LACC1: variants seen among roughly 807,000 people sequenced by gnomAD.
The protein encoded by LACC1 is laccase domain multifunctional purine nucleosidase 1.
A neutral mutation model predicts 34.8 loss-of-function variants in LACC1; 25 were observed. That is an observed-to-expected ratio of 0.72 (90% CI 0.52 to 1.00). The LOEUF (loss-of-function observed/expected upper bound fraction) is 1.00, where lower values mean the gene tolerates loss of function less well. Ranked by LOEUF, LACC1 falls within the 50% of genes least tolerant of loss-of-function variation. The pLI, the probability that LACC1 is intolerant of heterozygous loss-of-function variation, is 0.00. For synonymous variants in LACC1, 162 were observed against 168.0 expected (o/e 0.96, Z 0.28); for missense variants, 426 against 511.2 (o/e 0.83, Z 1.61).
chr13:43,880,418 A>C (rs993211536), intron 1 of LACC1, among the ~76,000 whole-genome samples: 3 of 152,188 alleles, frequency 2.0e-5, no homozygotes, highest in African/African-American at 7.2e-5. Context: ...CATCCAAATC[A>C]CTATAGCTTT....
At position 43,891,983 on chromosome 13, in the gene LACC1, C is replaced by G. The variant is rs189496664; in HGVS notation, c.*536C>G. On this transcript the variant is annotated 3_prime_UTR_variant, in exon 7 of 7. Coordinates refer to ENST00000325686, the MANE Select transcript of LACC1 (RefSeq NM_153218.4). ...GCTCGAAAGATGTAGAGGTTTTTGA[C>G]AAATGAAGAACAACCATAACAGGTA... is the stretch of plus-strand genomic sequence containing the variant. 1 of 151,896 alleles carries G rather than the reference C, an allele frequency of 6.6e-6. No homozygotes were observed. The highest frequency in any genetic ancestry group is 6.6e-5 in the Admixed American group (1 of 15,252). 9.4% of individuals were successfully genotyped at this position (151,896 alleles called of 1,614,324 possible). A position where few individuals can be genotyped will look rare whatever the true frequency, so the allele number is the denominator to read the frequency against.
In LACC1 at chr13:43,881,162, T is replaced by C; in HGVS notation, c.177T>C (p.Asp59=). The C allele has an allele frequency of 1.9e-6, 3 of 1,614,200 alleles. No individual in the cohort carries two copies. Among genetic ancestry groups the C allele is most frequent in the Non-Finnish European group, 2.5e-6 (3 of 1,180,022 alleles). ...NISYERDGEQ[D]NCEIETSNGL... is the part of the protein sequence containing the mutation. ...GCTATGAAAGGGATGGAGAACAAGATAATTGTGAAATAGAAACAAGCAATG... is the reference window on the plus strand; with the variant it reads ...GCTATGAAAGGGATGGAGAACAAGACAATTGTGAAATAGAAACAAGCAATG... Residue 59 remains aspartate (D), a synonymous_variant, in exon 2 of 7, where the codon GAT becomes GAC. Coordinates refer to ENST00000325686, the MANE Select transcript of LACC1 (RefSeq NM_153218.4).
At chr13:43,882,077 A>G in intron 2 of LACC1, 108 bp from the exon 3 acceptor site, 2 of 791,572 alleles carry the variant, frequency 2.5e-6, no homozygotes, top group Non-Finnish European at 2.0e-6. Context: ...TGCCATAGAA[A>G]TTAGAAGCCA....
At chr13:43,886,272 A>G (rs555035286) in intron 4 of LACC1, among the ~76,000 whole-genome samples, 2 of 152,294 alleles carry the variant, frequency 1.3e-5, no homozygotes, top group South Asian at 4.1e-4. Context: ...ACCCAAAGGA[A>G]TATAAATTAT....
In LACC1 at chr13:43,883,821, T is replaced by C. The variant is rs1453772657; in HGVS notation, c.792T>C (p.Ser264=). ...TTATGGGAAGAAAGGAGCCTGACTC[T>C]TATGATGGAATAACCACAAATCAGA... ...IWIMGRKEPD[S]YDGITTNQRG... is the part of the protein sequence containing the mutation. Residue 264 remains serine, a synonymous_variant, in exon 4 of 7, where the codon TCT becomes TCC. Transcript: ENST00000325686. 3.7e-6 allele frequency: 6 copies of C among 1,613,792 alleles called. No homozygotes were observed. Among genetic ancestry groups the C allele is most frequent in the Non-Finnish European group, 5.1e-6 (6 of 1,179,714 alleles).
Position 43,892,537 on chromosome 13 carries a change from G to T in LACC1, c.*1090G>T, listed in dbSNP as rs1382475482. 6.6e-6 allele frequency: 1 copy of T among 151,976 alleles called. No homozygotes were observed. The highest frequency in any genetic ancestry group is 1.5e-5 in the Non-Finnish European group (1 of 67,966). The allele number at this position is 151,976 out of a possible 1,614,324, so 9.4% of individuals were successfully genotyped here. On this transcript the variant is annotated 3_prime_UTR_variant, in exon 7 of 7. Transcript: ENST00000325686. ...GTTTGGAAAAAGAGAGAAGGATAAT[G>T]AGTTTGACTTTACATAGAATGAAGG...
At chr13:43,885,491 T>G (rs1052026985) in intron 4 of LACC1, among the ~76,000 whole-genome samples, 4 of 151,862 alleles carry the variant, frequency 2.6e-5, no homozygotes, top group African/African-American at 9.7e-5. Context: ...AAGTCGACAA[T>G]AACAAGCAAT....
At chr13:43,885,461 C>G (rs1955271607) in intron 4 of LACC1, among the ~76,000 whole-genome samples, 1 of 152,120 alleles carries the variant, frequency 6.6e-6, no homozygotes, top group Admixed American at 6.5e-5. Flanking sequence ...CACACACCTA[C>G]AACCATCTGA....
Position 43,881,029 on chromosome 13 carries a change from A to T in LACC1, c.44A>T (p.Asn15Ile). The T allele has an allele frequency of 6.2e-7, 1 of 1,614,040 alleles. No individual in the cohort carries two copies. The highest frequency in any genetic ancestry group is 1.3e-5 in the African/African-American group (1 of 75,036). ...ATTGATCTTTTTGGTTTGAAATTGA[A>T]CTCTCAAAAAAACTGCCATCAGACA... is the stretch of plus-strand genomic sequence containing the variant. ...VLIDLFGLKLNSQKNCHQTLL... is the reference protein window; with the variant it reads ...VLIDLFGLKLISQKNCHQTLL... Residue 15 changes from asparagine (N) to isoleucine (I), a missense_variant, in exon 2 of 7, where the codon AAC becomes ATC. Transcript: ENST00000325686.
intron 4 of LACC1, among the ~76,000 whole-genome samples, chr13:43,884,579 A>G (rs1413512157): frequency 6.6e-6 from 1 of 152,176 alleles, no homozygotes; most frequent in Non-Finnish European, 1.5e-5. Context: ...ATTCTCTGAG[A>G]GCAAAGAAGT....
chr13:43,884,701 A>G (rs1281872919), intron 4 of LACC1, among the ~76,000 whole-genome samples: 1 of 152,124 alleles, frequency 6.6e-6, no homozygotes, highest in Non-Finnish European at 1.5e-5. Flanking sequence ...ATGAGGGATG[A>G]TCTTTAAAAT....
chr13:43,889,808 CTT>C (rs2138363839), intron 5 of LACC1, among the ~76,000 whole-genome samples: 1 of 152,300 alleles, frequency 6.6e-6, no homozygotes, highest in African/African-American at 2.4e-5. Flanking sequence ...ATCCTGGTAA[CTT>C]TTGTAGACAT....
chr13:43,889,973 T>A (rs1955498612), intron 5 of LACC1, 141 bp from the exon 6 acceptor site: 1 of 661,458 alleles, frequency 1.5e-6, no homozygotes, highest in Admixed American at 3.2e-5. Flanking sequence ...GTCCATGTTC[T>A]GTAAGTGAAT....
rs142352866 is a variant in LACC1 at position 43,891,961 on chromosome 13, C to G, written c.*514C>G. The G allele has an allele frequency of 1.3e-5, 2 of 151,900 alleles. No individual in the cohort carries two copies. The highest frequency in any genetic ancestry group is 2.9e-5 in the Non-Finnish European group (2 of 67,954). 9.4% of individuals were successfully genotyped at this position (151,900 alleles called of 1,614,324 possible). A position where few individuals can be genotyped will look rare whatever the true frequency, so the allele number is the denominator to read the frequency against. ...GAGAAAATCACATATCACATGGGCT[C>G]GAAAGATGTAGAGGTTTTTGACAAA... On this transcript the variant is annotated 3_prime_UTR_variant, in exon 7 of 7. Transcript: ENST00000325686.
chr13:43,886,783 AAATAT>A (rs933512709), intron 4 of LACC1, among the ~76,000 whole-genome samples: 7 of 152,200 alleles, frequency 4.6e-5, no homozygotes, highest in South Asian at 2.1e-4. Flanking sequence ...ATTAACTTTA[AAATAT>A]AATATAATTA....
chr13:43,885,315 A>G (rs1955261083), intron 4 of LACC1, among the ~76,000 whole-genome samples: 1 of 152,208 alleles, frequency 6.6e-6, no homozygotes. Flanking sequence ...CCTAAGCAAA[A>G]AGAATAAAGC....
In LACC1 at chr13:43,881,527, T is replaced by C; in HGVS notation, c.542T>C (p.Ile181Thr). 1.2e-6 allele frequency: 2 copies of C among 1,603,990 alleles called. No homozygotes were observed. The highest frequency in any genetic ancestry group is 1.7e-6 in the Non-Finnish European group (2 of 1,176,492). ...LPALRGKLTI[I>T]TSSLIPDIFI... ...GCACTGAGAGGAAAATTAACTATTA[T>C]CACTTCTTCTTTGATCCCAGGTATA... The change falls in exon 2 of 7, where the codon ATC (isoleucine) becomes ACC (threonine). Residue 181 changes from isoleucine to threonine, a missense_variant. By Grantham distance (89) the Ile-to-Thr change is moderately conservative. Coordinates refer to ENST00000325686, the MANE Select transcript of LACC1 (RefSeq NM_153218.4).
chr13:43,885,467 T>C lies in LACC1; in HGVS notation c.907+1531T>C, dbSNP rs148917738. 1.9e-4 allele frequency among the ~76,000 whole-genome samples: 29 copies of C among 152,130 alleles called. No homozygotes were observed. The East Asian group carries it at 5.6e-3, about 29-fold the overall frequency. ...AAATAAAGCCACACACCTACAACCATCTGATCTTTGACAAAGTCGACAATA... is the reference window on the plus strand; with the variant it reads ...AAATAAAGCCACACACCTACAACCACCTGATCTTTGACAAAGTCGACAATA... On this transcript the variant is annotated intron_variant, in intron 4 of 6. Transcript: ENST00000325686.
Position 43,893,788 on chromosome 13 carries a change from G to A in LACC1, c.*2341G>A, listed in dbSNP as rs770223203. The A allele has an allele frequency of 3.0e-4, 46 of 152,106 alleles. No individual in the cohort carries two copies. Among genetic ancestry groups the A allele is most frequent in the Non-Finnish European group, 5.0e-4 (34 of 67,874 alleles). 9.4% of individuals were successfully genotyped at this position (152,106 alleles called of 1,614,324 possible). A position where few individuals can be genotyped will look rare whatever the true frequency, so the allele number is the denominator to read the frequency against. ...GATGAAGATTAAGGAATACTTCCATGTATTGAGTAAGGTTGATAATTTTCT... is the reference window on the plus strand; with the variant it reads ...GATGAAGATTAAGGAATACTTCCATATATTGAGTAAGGTTGATAATTTTCT... On this transcript the variant is annotated 3_prime_UTR_variant, in exon 7 of 7. Coordinates refer to ENST00000325686, the MANE Select transcript of LACC1 (RefSeq NM_153218.4).
Sources: gnomAD v4.1 joint callset for allele counts (sites outside exome capture counted in the v4.1 genomes callset) on GRCh38, gnomAD v4.1.1 for gene constraint, MANE v1.5 for transcripts, NCBI Gene and HGNC (gene_info 2026-07-23, HGNC 2026-07-21) for gene names.